MICU2: variants seen among roughly 807,000 people sequenced by gnomAD.
MICU2 encodes the protein calcium uptake protein 2, mitochondrial.
MICU2 carries 64 observed loss-of-function variants against 60.4 expected under a neutral mutation model. That is an observed-to-expected ratio of 1.06 (90% confidence interval 0.87 to 1.31). The LOEUF (loss-of-function observed/expected upper bound fraction) is 1.31. MICU2 is among the 50% of genes most tolerant of loss of function. MICU2 has a pLI of 0.00. For missense variants in MICU2, 569 were observed against 531.0 expected, an observed-to-expected ratio of 1.07 and a Z score of -0.70; for synonymous variants, 201 against 175.0, an observed-to-expected ratio of 1.15 and a Z score of -1.17.
intron 6 of MICU2, among the ~76,000 whole-genome samples, chr13:21,514,698 A>ATT (rs71202422): frequency 1.4e-5 from 2 of 141,166 alleles, no homozygotes; most frequent in African/African-American, 2.6e-5. Context: ...ACTCCCGTTA[A>ATT]TTTTTTTTTT....
At chr13:21,512,681 C>A (rs1886461903) in intron 7 of MICU2, among the ~76,000 whole-genome samples, 1 of 152,050 alleles carries the variant, frequency 6.6e-6, no homozygotes, top group Non-Finnish European at 1.5e-5. Context: ...GATCTCCTGA[C>A]CTCGTTATCT....
chr13:21,500,441 T>G (rs977847389), intron 9 of MICU2, among the ~76,000 whole-genome samples: 46 of 150,146 alleles, frequency 3.1e-4, no homozygotes, highest in African/African-American at 1.0e-3. Flanking sequence ...TTTTTTTTTT[T>G]TTTTTTTGAG....
At chr13:21,543,804 T>C (rs1306918948) in intron 2 of MICU2, among the ~76,000 whole-genome samples, 1 of 7,782 alleles carries the variant, frequency 1.3e-4, no homozygotes, top group Non-Finnish European at 2.4e-3. Context: ...TTCATGCAAG[T>C]AGAAAAAAAA....
intron 6 of MICU2, 28 bp from the exon 7 acceptor site, chr13:21,514,446 A>ATG (rs1302607597): frequency 1.3e-6 from 2 of 1,571,478 alleles, no homozygotes; most frequent in Non-Finnish European, 1.7e-6. Flanking sequence ...ATGAGTTTAC[A>ATG]TGTGTGCCTA....
At chr13:21,495,064 G>T in intron 11 of MICU2, 97 bp downstream of exon 11, 1 of 804,112 alleles carries the variant, frequency 1.2e-6, no homozygotes, top group Non-Finnish European at 1.8e-6. Flanking sequence ...TATAAGTGAT[G>T]AAAACTCCAT....
rs774448795 is a variant in MICU2 at position 21,495,275 on chromosome 13, G to C, written c.1086C>G (p.Leu362=). 5 of 1,612,498 alleles carry C rather than the reference G, an allele frequency of 3.1e-6. No individual in the cohort carries two copies. The highest frequency in any genetic ancestry group is 1.3e-5 in the African/African-American group (1 of 75,024). ...AGACAGTGTCCAAAATATTGTTTGA[G>C]AGTTCTTGTCCTGTTGCTACTTTCA... ...RAVKVATGQE[L]SNNILDTVFK... Residue 362 remains leucine (L), a synonymous_variant, in exon 11 of 12, where the codon CTC becomes CTG. Transcript: ENST00000382374.
At chr13:21,581,574 T>G (rs113949413) in intron 1 of MICU2, among the ~76,000 whole-genome samples, 1 of 152,022 alleles carries the variant, frequency 6.6e-6, no homozygotes, top group African/African-American at 2.4e-5. Context: ...TCAGGAAAAA[T>G]GACAAAGATG....
chr13:21,548,577 A>G (rs1887468467), intron 2 of MICU2, among the ~76,000 whole-genome samples: 1 of 152,226 alleles, frequency 6.6e-6, no homozygotes, highest in South Asian at 2.1e-4. Flanking sequence ...CTATTATTTT[A>G]TAGATCTGGA....
Position 21,585,750 on chromosome 13 carries a change from T to A in MICU2, c.210+18189A>T, listed in dbSNP as rs538842016. 1.2e-4 allele frequency among the ~76,000 whole-genome samples: 18 copies of A among 152,318 alleles called. 1 individual carries two copies. The highest frequency in any genetic ancestry group is 4.1e-4 in the African/African-American group (17 of 41,576). On this transcript the variant is annotated intron_variant, in intron 1 of 11. Transcript: ENST00000382374. ...ACTGCAAATTCACTTCCTAAGTTAT[T>A]AATAATATAGTTCTGCTTGTTTAAA...
intron 1 of MICU2, among the ~76,000 whole-genome samples, chr13:21,573,432 C>T (rs1016324537): frequency 1.3e-5 from 2 of 152,082 alleles, no homozygotes; most frequent in African/African-American, 4.8e-5. Flanking sequence ...GCCACCATGC[C>T]CGGCTAATTT....
chr13:21,506,389 T>C (rs1301754274), intron 8 of MICU2, among the ~76,000 whole-genome samples: 1 of 152,190 alleles, frequency 6.6e-6, no homozygotes, highest in Admixed American at 6.5e-5. Flanking sequence ...AAAGGCCTTC[T>C]TCAAGTATGG....
At chr13:21,584,282 G>A (rs771840801) in intron 1 of MICU2, among the ~76,000 whole-genome samples, 11 of 151,912 alleles carry the variant, frequency 7.2e-5, no homozygotes, top group East Asian at 5.8e-4. Context: ...CCAGCTACTC[G>A]GGAGGCTGGG....
intron 4 of MICU2, chr13:21,530,837 A>G (rs2138180956): frequency 1.4e-6 from 1 of 727,660 alleles, no homozygotes; most frequent in Non-Finnish European, 2.5e-6. Context: ...GCCCCCATGG[A>G]CGACGGGTTT....
At chr13:21,541,228 C>T (rs1168671025) in intron 2 of MICU2, among the ~76,000 whole-genome samples, 1 of 151,786 alleles carries the variant, frequency 6.6e-6, no homozygotes, top group Admixed American at 6.6e-5. Context: ...GGCTAGATTC[C>T]TTTTTGGTCT....
chr13:21,569,197 A>G (rs1888051312), intron 1 of MICU2, among the ~76,000 whole-genome samples: 2 of 152,204 alleles, frequency 1.3e-5, no homozygotes, highest in Admixed American at 6.5e-5. Context: ...TCCGACTGCC[A>G]TGACTCTACC....
intron 1 of MICU2, among the ~76,000 whole-genome samples, chr13:21,583,563 G>C (rs1254318997): frequency 6.6e-6 from 1 of 152,186 alleles, no homozygotes; most frequent in African/African-American, 2.4e-5. Context: ...GTTATCATCT[G>C]ATAATTAAAT....
At chr13:21,562,363 A>G in intron 2 of MICU2, among the ~76,000 whole-genome samples, 1 of 152,160 alleles carries the variant, frequency 6.6e-6, no homozygotes, top group Non-Finnish European at 1.5e-5. Flanking sequence ...ACATGCATAA[A>G]ATACATATCT....
At chr13:21,526,475 C>G (rs1886859558) in intron 4 of MICU2, among the ~76,000 whole-genome samples, 1 of 151,788 alleles carries the variant, frequency 6.6e-6, no homozygotes, top group Non-Finnish European at 1.5e-5. Context: ...TGCTAAGATT[C>G]AGGTTTGATT....
At chr13:21,603,254 G>A (rs1443826069) in intron 1 of MICU2, among the ~76,000 whole-genome samples, 2 of 152,200 alleles carry the variant, frequency 1.3e-5, no homozygotes, top group African/African-American at 4.8e-5. Context: ...TTAAAGGCGT[G>A]TGCCACCGCG....
Sources: gnomAD v4.1 joint callset for allele counts (sites outside exome capture counted in the v4.1 genomes callset) on GRCh38, gnomAD v4.1.1 for gene constraint, MANE v1.5 for transcripts, NCBI Gene and HGNC (gene_info 2026-07-23, HGNC 2026-07-21) for gene names.